KIAA0825: variants seen among roughly 807,000 people sequenced by gnomAD.
The protein encoded by KIAA0825 is uncharacterized protein KIAA0825.
KIAA0825 carries 119 observed loss-of-function variants against 147.6 expected under a neutral mutation model. The ratio of observed to expected loss-of-function variants is 0.81; its 90% CI spans 0.69 to 0.94. KIAA0825 has a LOEUF of 0.94. Among genes scored for constraint, KIAA0825 ranks in the 40% least tolerant of loss-of-function variants. KIAA0825 has a pLI of 0.00. For synonymous variants in KIAA0825, 470 were observed against 518.1 expected (o/e 0.91, Z 1.26); for missense variants, 1,381 against 1,472.7 (o/e 0.94, Z 1.02).
intron 2 of KIAA0825, among the ~76,000 whole-genome samples, chr5:94,565,129 T>TCAC (rs1778453389): frequency 7.5e-6 from 1 of 133,610 alleles, no homozygotes; most frequent in Non-Finnish European, 1.6e-5. Context: ...AGATGAGGTC[T>TCAC]CACACTGTTG....
Position 94,497,032 on chromosome 5 carries a change from C to T in KIAA0825, c.971-12102G>A, listed in dbSNP as rs78667686. On this transcript the variant is annotated intron_variant, in intron 5 of 20. Coordinates refer to ENST00000682413, the MANE Select transcript of KIAA0825 (RefSeq NM_001145678.3). ...CTATTGGGATTAATAGGATTTGCCA[C>T]GGCATTAATTAACAGTTACCATTTA... Among the ~76,000 whole-genome samples, 604 of 152,142 alleles carry T rather than the reference C, an allele frequency of 4.0e-3. 5 individuals carry two copies. The highest frequency in any genetic ancestry group is 0.014 in the African/African-American group (574 of 41,488).
intron 20 of KIAA0825, among the ~76,000 whole-genome samples, chr5:94,272,010 T>G (rs1777011619): frequency 6.6e-6 from 1 of 150,690 alleles, no homozygotes; most frequent in African/African-American, 2.4e-5. Context: ...TCCTGTCATT[T>G]GCAACAGCAT....
In KIAA0825 at chr5:94,536,412, T is replaced by G. The variant is rs148158312; in HGVS notation, c.131+584A>C. Among the ~76,000 whole-genome samples, 388 of 152,344 alleles carry G rather than the reference T, an allele frequency of 2.5e-3. 2 individuals are homozygous for G. The highest frequency in any genetic ancestry group is 9.0e-3 in the African/African-American group (373 of 41,580). On this transcript the variant is annotated intron_variant, in intron 3 of 20. Coordinates refer to ENST00000682413, the MANE Select transcript of KIAA0825 (RefSeq NM_001145678.3). Reference sequence around the variant, plus strand: ...GATCAAAAGGATGCAAATAAGTAACTGCCTGATTATAGGGTCCACAACTAC... The same window carrying G: ...GATCAAAAGGATGCAAATAAGTAACGGCCTGATTATAGGGTCCACAACTAC...
At chr5:94,509,235 T>C (rs1457598126) in intron 5 of KIAA0825, among the ~76,000 whole-genome samples, 1 of 152,210 alleles carries the variant, frequency 6.6e-6, no homozygotes, top group Non-Finnish European at 1.5e-5. Flanking sequence ...GGGTGTTTAA[T>C]GTTTTTAAAC....
At chr5:94,300,124 T>TAC (rs1337940964) in intron 20 of KIAA0825, among the ~76,000 whole-genome samples, 1 of 152,046 alleles carries the variant, frequency 6.6e-6, no homozygotes, top group East Asian at 1.9e-4. Flanking sequence ...ATCCAATTTA[T>TAC]ACATATTAGG....
chr5:94,301,299 A>G (rs968847291), intron 20 of KIAA0825, among the ~76,000 whole-genome samples: 3 of 152,002 alleles, frequency 2.0e-5, no homozygotes, highest in African/African-American at 7.2e-5. Context: ...GACATTTCAT[A>G]ATTTTTTCAA....
intron 2 of KIAA0825, among the ~76,000 whole-genome samples, chr5:94,574,255 G>A (rs1780532569): frequency 6.6e-6 from 1 of 151,988 alleles, no homozygotes; most frequent in South Asian, 2.1e-4. Flanking sequence ...AACTAGTAAA[G>A]AAAGGATGGC....
chr5:94,261,765 TC>T (rs377224386), intron 20 of KIAA0825, among the ~76,000 whole-genome samples: 1 of 152,114 alleles, frequency 6.6e-6, no homozygotes, highest in South Asian at 2.1e-4. Flanking sequence ...CCAGCCAGTC[TC>T]CAAGTTCTAC....
intron 12 of KIAA0825, among the ~76,000 whole-genome samples, chr5:94,455,553 T>C (rs1323204299): frequency 6.6e-6 from 1 of 151,964 alleles, no homozygotes; most frequent in African/African-American, 2.4e-5. Context: ...TAGGAGATGT[T>C]TGGGGGAAGG....
intron 1 of KIAA0825, among the ~76,000 whole-genome samples, chr5:94,603,617 G>T (rs954929775): frequency 2.6e-5 from 4 of 152,118 alleles, no homozygotes; most frequent in South Asian, 4.1e-4. Flanking sequence ...CCAATTAAAA[G>T]ACATAAGAGT....
rs1159930619 is a variant in KIAA0825, at chr5:94,151,630, T to C, written c.*2377A>G. ...TATCTTCCTTTAAACTCATCCCATT[T>C]TCCCCTTACTATACTTCCTTTCTTT... On this transcript the variant is annotated 3_prime_UTR_variant, in exon 21 of 21. Transcript: ENST00000682413. Among the ~76,000 whole-genome samples the C allele has an allele frequency of 6.6e-6, 1 of 152,098 alleles. No homozygotes were observed. The highest frequency in any genetic ancestry group is 2.4e-5 in the African/African-American group (1 of 41,424).
intron 13 of KIAA0825, among the ~76,000 whole-genome samples, chr5:94,449,791 T>G (rs1451527712): frequency 6.6e-6 from 1 of 152,134 alleles, no homozygotes; most frequent in Non-Finnish European, 1.5e-5. Flanking sequence ...AAAAAATGTA[T>G]TCACAGGCCG....
At chr5:94,383,690 T>G (rs1748738054) in intron 20 of KIAA0825, among the ~76,000 whole-genome samples, 1 of 152,178 alleles carries the variant, frequency 6.6e-6, no homozygotes, top group South Asian at 2.1e-4. Context: ...ACCATGTTAA[T>G]TGATCCAAAG....
At chr5:94,377,321 C>T (rs1276230263) in intron 20 of KIAA0825, among the ~76,000 whole-genome samples, 2 of 152,122 alleles carry the variant, frequency 1.3e-5, no homozygotes, top group African/African-American at 2.4e-5. Flanking sequence ...CACAGCACTG[C>T]GCTGTATTCA....
intron 1 of KIAA0825, among the ~76,000 whole-genome samples, chr5:94,613,324 G>A (rs1183606146): frequency 1.3e-5 from 2 of 152,054 alleles, no homozygotes. Flanking sequence ...GACTCCAGGA[G>A]TAGCTGGGAT....
intron 2 of KIAA0825, among the ~76,000 whole-genome samples, chr5:94,566,996 G>C (rs77406221): frequency 2.4e-3 from 364 of 152,214 alleles, no homozygotes; most frequent in African/African-American, 8.6e-3. Context: ...CTAAATTTAA[G>C]TGCTGCAAAA....
intron 20 of KIAA0825, among the ~76,000 whole-genome samples, chr5:94,244,838 T>C (rs1419727801): frequency 6.6e-6 from 1 of 152,252 alleles, no homozygotes; most frequent in African/African-American, 2.4e-5. Context: ...CCATATTCTA[T>C]ATGGTATCCA....
chr5:94,170,301 A>AAAAAC (rs369548025), intron 20 of KIAA0825, among the ~76,000 whole-genome samples: 370 of 152,228 alleles, frequency 2.4e-3, no homozygotes, highest in Middle Eastern at 0.01. Context: ...TCCATCTCAA[A>AAAAAC]AAAACAAAAC....
chr5:94,568,754 C>T (rs1477172061), intron 2 of KIAA0825: 2 of 153,540 alleles, frequency 1.3e-5, no homozygotes, highest in Admixed American at 1.3e-4. Context: ...CCACCTAAGC[C>T]TTCCCATAAG....
Sources: allele counts gnomAD v4.1 joint callset (sites outside exome capture counted in the v4.1 genomes callset), GRCh38; gene constraint gnomAD v4.1.1; transcripts MANE v1.5; gene names NCBI Gene and HGNC (gene_info 2026-07-23, HGNC 2026-07-21).